PGM2L1: variants seen among roughly 807,000 people sequenced by gnomAD.
PGM2L1 encodes phosphoglucomutase 2 like 1.
Under a neutral mutation model 73.4 loss-of-function variants are expected in PGM2L1, and 35 were observed. The observed-to-expected ratio is 0.48, with a 90% CI of 0.36 to 0.63. The LOEUF (loss-of-function observed/expected upper bound fraction) is 0.63. PGM2L1 is among the 30% of genes least tolerant of loss of function. The pLI is 0.00. For missense variants in PGM2L1, 570 were observed against 742.0 expected (o/e 0.77, Z 2.69); for synonymous variants, 225 against 253.8 (o/e 0.89, Z 1.08).
In PGM2L1 at chr11:74,338,450, A is replaced by T. The variant is rs200734803; in HGVS notation, c.1766+18T>A. 31 of 1,517,260 alleles carry T rather than the reference A, an allele frequency of 2.0e-5. No individual in the cohort carries two copies. In the African/African-American group the frequency reaches 2.4e-4, roughly 12 times the overall value. 94.0% of individuals were successfully genotyped at this position (1,517,260 alleles called of 1,614,324 possible). A position where few individuals can be genotyped will look rare whatever the true frequency, so the allele number is the denominator to read the frequency against. On this transcript the variant is annotated intron_variant, in intron 13 of 13. Coordinates refer to ENST00000298198, the MANE Select transcript of PGM2L1 (RefSeq NM_173582.6). ...AATAAAGCTTTTGTATGTATATCTTAAAAAAATCAATTCTTACCTCTGGTC... is the reference window on the plus strand; with the variant it reads ...AATAAAGCTTTTGTATGTATATCTTTAAAAAATCAATTCTTACCTCTGGTC...
chr11:74,355,866 A>G, intron 5 of PGM2L1: 1 of 417,504 alleles, frequency 2.4e-6, no homozygotes, highest in Non-Finnish European at 4.8e-6. Flanking sequence ...TTAGACAAAT[A>G]CTCATGTGTA....
rs1565430961 is a variant in PGM2L1, at chr11:74,330,738, TA to T, written c.*5913del. 6.6e-6 allele frequency: 1 copy of T among 152,624 alleles called. No homozygotes were observed. The highest frequency in any genetic ancestry group is 2.4e-5 in the African/African-American group (1 of 41,444). The allele number at this position is 152,624 out of a possible 1,614,324, so 9.5% of individuals were successfully genotyped here. A position where few individuals can be genotyped will look rare whatever the true frequency, so the allele number is the denominator to read the frequency against. On this transcript the variant is annotated 3_prime_UTR_variant, in exon 14 of 14. Coordinates refer to ENST00000298198, the MANE Select transcript of PGM2L1 (RefSeq NM_173582.6). The stretch of plus-strand genomic sequence containing the variant: ...TGACTCACTTGGAAGGTAGTGCTAC[TA>T]GGCTCAAAATGACACTTAGACTAGT...
chr11:74,364,180 A>C (rs1248426622), intron 5 of PGM2L1, among the ~76,000 whole-genome samples: 1 of 152,034 alleles, frequency 6.6e-6, no homozygotes, highest in African/African-American at 2.4e-5. Flanking sequence ...CATGCTAAAA[A>C]CTCTCAATAA....
Position 74,374,052 on chromosome 11 carries a change from CAA to C in PGM2L1, c.279+361_279+362del, listed in dbSNP as rs60395088. Among the ~76,000 whole-genome samples the C allele has an allele frequency of 7.0e-3, 596 of 85,632 alleles. 2 individuals carry two copies. Among genetic ancestry groups the C allele is most frequent in the African/African-American group, 0.025 (558 of 22,024 alleles). 56.2% of individuals were successfully genotyped at this position (85,632 alleles called of 152,430 possible). A position where few individuals can be genotyped will look rare whatever the true frequency, so the allele number is the denominator to read the frequency against. On this transcript the variant is annotated intron_variant, in intron 2 of 13. Transcript: ENST00000298198. ...AATGGCACTACCTAATTTATAAAGC[CAA>C]AAAAAAAAAAAAAAAAAACCAGACT...
chr11:74,343,141 G>C, intron 10 of PGM2L1, 127 bp from the exon 11 acceptor site: 1 of 1,339,782 alleles, frequency 7.5e-7, no homozygotes, highest in Non-Finnish European at 1.0e-6. Flanking sequence ...TCAATACTGA[G>C]TGTATTTAGG....
At chr11:74,359,649 C>T (rs2134910897) in intron 5 of PGM2L1, among the ~76,000 whole-genome samples, 2 of 152,014 alleles carry the variant, frequency 1.3e-5, no homozygotes, top group South Asian at 4.1e-4. Flanking sequence ...GTCTGTAAGA[C>T]ATATTGTTGT....
chr11:74,337,180 A>G (rs1018330292), intron 13 of PGM2L1, among the ~76,000 whole-genome samples: 2 of 152,232 alleles, frequency 1.3e-5, no homozygotes, highest in African/African-American at 2.4e-5. Context: ...AAATAACGTG[A>G]TGTTTAAAAA....
chr11:74,371,630 A>C (rs1266364358), intron 3 of PGM2L1, 81 bp downstream of exon 3: 2 of 1,158,402 alleles, frequency 1.7e-6, no homozygotes, highest in Admixed American at 1.8e-5. Flanking sequence ...CTGTTTCAGA[A>C]ATCCTACTAC....
At chr11:74,387,279 G>A (rs1163589163) in intron 1 of PGM2L1, among the ~76,000 whole-genome samples, 2 of 152,112 alleles carry the variant, frequency 1.3e-5, no homozygotes, top group Non-Finnish European at 2.9e-5. Flanking sequence ...ATCCCAAAGG[G>A]CAAAGGAGTT....
intron 5 of PGM2L1, among the ~76,000 whole-genome samples, chr11:74,357,665 ACACT>A (rs1290203122): frequency 6.6e-6 from 1 of 152,208 alleles, no homozygotes; most frequent in Admixed American, 6.5e-5. Context: ...TTCAGCACTC[ACACT>A]CCTTGGTATT....
chr11:74,364,393 G>A (rs150705252), intron 5 of PGM2L1, among the ~76,000 whole-genome samples: 3 of 151,878 alleles, frequency 2.0e-5, no homozygotes, highest in African/African-American at 7.3e-5. Context: ...AGAAATAAAG[G>A]GTATTCAGTT....
intron 1 of PGM2L1, among the ~76,000 whole-genome samples, chr11:74,377,524 A>G (rs1432089610): frequency 1.3e-5 from 2 of 152,216 alleles, no homozygotes; most frequent in Non-Finnish European, 2.9e-5. Flanking sequence ...TTTCATTTCT[A>G]TAAAAAGAGG....
chr11:74,335,546 T>C lies in PGM2L1; in HGVS notation c.*1106A>G, dbSNP rs551052533. 3 of 152,370 alleles carry C rather than the reference T, an allele frequency of 2.0e-5. No homozygotes were observed. The highest frequency in any genetic ancestry group is 3.8e-4 in the East Asian group (2 of 5,196). The allele number at this position is 152,370 out of a possible 1,614,324, so 9.4% of individuals were successfully genotyped here. A position where few individuals can be genotyped will look rare whatever the true frequency, so the allele number is the denominator to read the frequency against. ...AACTGGACCTCTGTTTTAAAACATGTAGTTTTAGTATTTCATAATACTTAA... is the reference window on the plus strand; with the variant it reads ...AACTGGACCTCTGTTTTAAAACATGCAGTTTTAGTATTTCATAATACTTAA... On this transcript the variant is annotated 3_prime_UTR_variant, in exon 14 of 14. Transcript: ENST00000298198.
intron 1 of PGM2L1, among the ~76,000 whole-genome samples, chr11:74,384,482 A>T (rs1479422087): frequency 6.6e-6 from 1 of 151,876 alleles, no homozygotes; most frequent in Non-Finnish European, 1.5e-5. Flanking sequence ...AGTTTGCATT[A>T]TCTGTTGTTT....
At chr11:74,354,428 C>A in intron 5 of PGM2L1, 1 of 679,408 alleles carries the variant, frequency 1.5e-6, no homozygotes, top group Non-Finnish European at 2.6e-6. Context: ...TTAAAGTCTC[C>A]TTCCCCCTGC....
chr11:74,362,533 A>G (rs1436116656), intron 5 of PGM2L1, among the ~76,000 whole-genome samples: 1 of 152,246 alleles, frequency 6.6e-6, no homozygotes, highest in Non-Finnish European at 1.5e-5. Context: ...GATCAAATTC[A>G]CACATAACAA....
chr11:74,391,001 A>T (rs1350845012), intron 1 of PGM2L1, among the ~76,000 whole-genome samples: 1 of 152,204 alleles, frequency 6.6e-6, no homozygotes, highest in Non-Finnish European at 1.5e-5. Context: ...CAGTTTAGCA[A>T]GATGAAAAAG....
At chr11:74,354,914 C>T (rs1862419432) in intron 5 of PGM2L1, 1 of 867,432 alleles carries the variant, frequency 1.2e-6, no homozygotes, top group African/African-American at 1.6e-5. Flanking sequence ...ATGACCATGA[C>T]TCTGTGGATA....
At chr11:74,360,465 C>T (rs1355225764) in intron 5 of PGM2L1, among the ~76,000 whole-genome samples, 2 of 152,022 alleles carry the variant, frequency 1.3e-5, no homozygotes, top group South Asian at 2.1e-4. Flanking sequence ...CTCCAGTCTA[C>T]AGCTCCCAGC....
Sources: allele counts gnomAD v4.1 joint callset (sites outside exome capture counted in the v4.1 genomes callset), GRCh38; gene constraint gnomAD v4.1.1; transcripts MANE v1.5; gene names NCBI Gene and HGNC (gene_info 2026-07-23, HGNC 2026-07-21).